The following DPP6 variants were observed in gnomAD, a reference collection of about 807,000 sequenced individuals.
DPP6 encodes A-type potassium channel modulatory protein DPP6.
A neutral mutation model predicts 122.6 loss-of-function variants in DPP6; 69 were observed. The ratio of observed to expected loss-of-function variants is 0.56; its 90% confidence interval spans 0.46 to 0.69. The LOEUF (loss-of-function observed/expected upper bound fraction) is 0.69. Among genes scored for constraint, DPP6 ranks in the 30% least tolerant of loss-of-function variants. The pLI, the probability that DPP6 is intolerant of heterozygous loss-of-function variation, is 0.00. For synonymous variants in DPP6, 418 were observed against 433.1 expected, an observed-to-expected ratio of 0.97 and a Z score of 0.43; for missense variants, 928 against 1,116.9, an observed-to-expected ratio of 0.83 and a Z score of 2.41.
chr7:154,290,350 C>T (rs947588169), intron 1 of DPP6, among the ~76,000 whole-genome samples: 1 of 152,142 alleles, frequency 6.6e-6, no homozygotes, highest in East Asian at 1.9e-4. Flanking sequence ...ATGTCCTAAA[C>T]TGGTATCTCG....
chr7:154,372,035 C>T (rs914179088), intron 1 of DPP6, among the ~76,000 whole-genome samples: 1 of 152,048 alleles, frequency 6.6e-6, no homozygotes. Flanking sequence ...AGGCAGACCC[C>T]AGAGAGAACA....
chr7:154,475,649 GC>G (rs537699697), intron 3 of DPP6: 499 of 154,286 alleles, frequency 3.2e-3, no homozygotes, highest in Non-Finnish European at 5.3e-3. Context: ...TGTTCACAAT[GC>G]CTGTGTTGGT....
In DPP6 at chr7:154,540,757, T is replaced by C. The variant is rs28645456; in HGVS notation, c.552+131T>C. On this transcript the variant is annotated intron_variant, in intron 4 of 25. Coordinates refer to ENST00000377770, the MANE Select transcript of DPP6 (RefSeq NM_130797.4). The stretch of plus-strand genomic sequence containing the variant: ...GCAATAAACTTGTAATACTACAGGC[T>C]GAGCAACCAAAGATAATGTGAAATT... 0.14 allele frequency: 81,500 copies of C among 581,606 alleles called. 6,764 individuals are homozygous for C. Among genetic ancestry groups the C allele is most frequent in the Non-Finnish European group, 0.17 (58,572 of 337,120 alleles). The allele number at this position is 581,606 out of a possible 1,614,324, so 36.0% of individuals were successfully genotyped here.
intron 5 of DPP6, chr7:154,588,079 G>C (rs773598428): frequency 6.2e-7 from 1 of 1,603,448 alleles, no homozygotes; most frequent in Admixed American, 1.7e-5. Context: ...GAGAGCAACC[G>C]AGTGAGCCTT....
At chr7:154,884,645 T>G (rs62649276) in intron 21 of DPP6, 1 of 128,068 alleles carries the variant, frequency 7.8e-6, no homozygotes, top group Non-Finnish European at 1.7e-5. Flanking sequence ...ACACATGCTC[T>G]TACCCATACA....
chr7:154,051,930 G>T (rs892067995), upstream of DPP6, among the ~76,000 whole-genome samples: 2 of 151,828 alleles, frequency 1.3e-5, no homozygotes, highest in Admixed American at 1.3e-4. Context: ...CGCACCCCAG[G>T]TCCTCGGGGT....
chr7:154,556,672 T>A (rs913326670), intron 4 of DPP6, among the ~76,000 whole-genome samples: 2 of 152,214 alleles, frequency 1.3e-5, no homozygotes, highest in African/African-American at 4.8e-5. Flanking sequence ...ATTTGCCATA[T>A]ATGATTTTAA....
chr7:154,267,924 T>C (rs113235170), intron 1 of DPP6, among the ~76,000 whole-genome samples: 1 of 136,162 alleles, frequency 7.3e-6, no homozygotes, highest in Non-Finnish European at 1.6e-5. Flanking sequence ...ACATACATAT[T>C]TATGTGTGTG....
chr7:154,264,587 C>A (rs1223917321), intron 1 of DPP6, among the ~76,000 whole-genome samples: 1 of 151,894 alleles, frequency 6.6e-6, no homozygotes, highest in African/African-American at 2.4e-5. Context: ...GTGAAGAGGG[C>A]CCGCATTGGT....
At chr7:154,611,853 ATATGTGTGTGTG>A (rs759352372) in intron 5 of DPP6, among the ~76,000 whole-genome samples, 2 of 147,836 alleles carry the variant, frequency 1.4e-5, no homozygotes, top group Non-Finnish European at 3.0e-5. Context: ...TTGCTTTCAT[ATATGTGTGTGTG>A]TGTGTGTGTG....
At position 154,097,923 on chromosome 7, in the gene DPP6, G is replaced by A. The variant is rs538735709; in HGVS notation, c.243+44860G>A. Among the ~76,000 whole-genome samples the A allele has an allele frequency of 1.2e-4, 18 of 152,316 alleles. 1 individual carries two copies. In the South Asian group the frequency reaches 3.1e-3, roughly 26 times the overall value. On this transcript the variant is annotated intron_variant, in intron 1 of 25. Transcript: ENST00000377770. ...GAGGGAGGTTGGTGGAGACAGCAGC[G>A]TAGCCCCTTCCTGTGATCTAGTCTT... is the stretch of plus-strand genomic sequence containing the variant.
chr7:154,891,890 C>G (rs1806642341), intron 25 of DPP6, among the ~76,000 whole-genome samples: 1 of 152,130 alleles, frequency 6.6e-6, no homozygotes, highest in Non-Finnish European at 1.5e-5. Flanking sequence ...CTTTTCAGAG[C>G]CTGACACCCT....
the DPP6 span, among the ~76,000 whole-genome samples, chr7:153,836,833 A>G: frequency 1.3e-5 from 2 of 152,302 alleles, no homozygotes; most frequent in South Asian, 4.1e-4. Flanking sequence ...CTGCCCCATG[A>G]ACAATATTAG....
At chr7:154,151,373 A>C (rs1796411147) in intron 1 of DPP6, among the ~76,000 whole-genome samples, 1 of 152,144 alleles carries the variant, frequency 6.6e-6, no homozygotes, top group South Asian at 2.1e-4. Flanking sequence ...CCTCCTCAGC[A>C]CTGATCTGAT....
chr7:154,208,821 A>G (rs1362046187), intron 1 of DPP6, among the ~76,000 whole-genome samples: 1 of 152,164 alleles, frequency 6.6e-6, no homozygotes. Context: ...TCATCAGAAT[A>G]TAACTTTCTT....
At chr7:154,378,838 AAGGAGGC>A in intron 1 of DPP6, among the ~76,000 whole-genome samples, 1 of 152,296 alleles carries the variant, frequency 6.6e-6, no homozygotes, top group East Asian at 1.9e-4. Context: ...ACTTCTTCGC[AAGGAGGC>A]AGGAAAGAGA....
intron 16 of DPP6, among the ~76,000 whole-genome samples, chr7:154,809,771 G>T (rs1044741443): frequency 6.6e-6 from 1 of 152,178 alleles, no homozygotes; most frequent in African/African-American, 2.4e-5. Context: ...AGTTTAAATC[G>T]TGGTTTGAGG....
At chr7:153,788,666 T>C in the DPP6 span, among the ~76,000 whole-genome samples, 1 of 152,160 alleles carries the variant, frequency 6.6e-6, no homozygotes, top group Non-Finnish European at 1.5e-5. Context: ...TCAACTCATA[T>C]TAAAAATGTG....
chr7:154,157,804 A>G (rs911667922), intron 1 of DPP6, among the ~76,000 whole-genome samples: 11 of 151,942 alleles, frequency 7.2e-5, no homozygotes, highest in Non-Finnish European at 1.3e-4. Context: ...GTGGTGGCAC[A>G]TGCCTGTAAT....
Sources: allele counts gnomAD v4.1 joint callset (sites outside exome capture counted in the v4.1 genomes callset), GRCh38; gene constraint gnomAD v4.1.1; transcripts MANE v1.5; gene names NCBI Gene and HGNC (gene_info 2026-07-23, HGNC 2026-07-21).